The following SGCD variants were observed in gnomAD, a reference collection of about 807,000 sequenced individuals.
The protein encoded by SGCD is sarcoglycan delta.
In SGCD, 18 loss-of-function variants were observed where a neutral mutation model predicts 36.6. The ratio of observed to expected loss-of-function variants is 0.49; its 90% CI spans 0.34 to 0.73. The LOEUF (loss-of-function observed/expected upper bound fraction) is 0.73, where lower values mean the gene tolerates loss of function less well. Ranked by LOEUF, SGCD falls within the 30% of genes least tolerant of loss-of-function variation. The pLI is 0.01. For synonymous variants in SGCD, 133 were observed against 130.6 expected, an observed-to-expected ratio of 1.02 and a Z score of -0.12; for missense variants, 387 against 346.7, an observed-to-expected ratio of 1.12 and a Z score of -0.92.
At chr5:156,091,406 T>C (rs996442001) in intron 1 of SGCD, among the ~76,000 whole-genome samples, 1 of 152,228 alleles carries the variant, frequency 6.6e-6, no homozygotes, top group African/African-American at 2.4e-5. Flanking sequence ...GGGACAGCTC[T>C]AGGGCCCTGG....
At chr5:156,221,112 A>G (rs950321277) in intron 3 of SGCD, among the ~76,000 whole-genome samples, 14 of 152,142 alleles carry the variant, frequency 9.2e-5, no homozygotes, top group African/African-American at 3.1e-4. Flanking sequence ...TAATGCTGTA[A>G]TAGGTACATT....
chr5:156,551,922 G>A (rs1222377362), intron 4 of SGCD, among the ~76,000 whole-genome samples: 1 of 152,138 alleles, frequency 6.6e-6, no homozygotes, highest in African/African-American at 2.4e-5. Flanking sequence ...CCTCCAGAAA[G>A]CCTTTTCTAA....
intron 3 of SGCD, among the ~76,000 whole-genome samples, chr5:156,428,201 T>A (rs947181844): frequency 6.6e-6 from 1 of 152,118 alleles, no homozygotes; most frequent in Non-Finnish European, 1.5e-5. Flanking sequence ...TTTAAATTAC[T>A]ATTTCAATCT....
intron 3 of SGCD, among the ~76,000 whole-genome samples, chr5:156,124,707 AT>A (rs1432560165): frequency 1.3e-5 from 2 of 152,022 alleles, no homozygotes; most frequent in African/African-American, 4.8e-5. Flanking sequence ...GTGTGCGCAC[AT>A]GTGTATATGC....
chr5:156,403,185 G>GAA, intron 3 of SGCD, among the ~76,000 whole-genome samples: 1 of 152,100 alleles, frequency 6.6e-6, no homozygotes, highest in East Asian at 1.9e-4. Flanking sequence ...CCCCAGTGAG[G>GAA]AAAAGTCACA....
Position 156,491,701 on chromosome 5 carries a change from C to A in SGCD, c.193-16900C>A, listed in dbSNP as rs935246066. 2.0e-5 allele frequency among the ~76,000 whole-genome samples: 3 copies of A among 151,988 alleles called. No homozygotes were observed. In the East Asian group the frequency reaches 5.8e-4, roughly 29 times the overall value. Reference sequence around the variant, plus strand: ...GACTACAAACCTAACTAGAAGCACCCTACTTTAATTTCTAATTGGCTGCAG... The same window carrying A: ...GACTACAAACCTAACTAGAAGCACCATACTTTAATTTCTAATTGGCTGCAG... On this transcript the variant is annotated intron_variant, in intron 3 of 8. Transcript: ENST00000337851.
the SGCD span, among the ~76,000 whole-genome samples, chr5:155,808,993 A>C: frequency 0.35 from 52,621 of 152,084 alleles, 9,533 homozygotes; most frequent in Admixed American, 0.52. Context: ...AGCTACTGCC[A>C]GTCAACGTCT....
At chr5:156,478,858 G>A (rs1755305046) in intron 3 of SGCD, among the ~76,000 whole-genome samples, 2 of 152,078 alleles carry the variant, frequency 1.3e-5, no homozygotes, top group South Asian at 2.1e-4. Context: ...TGGGATTATA[G>A]GGCTGAGCCA....
At position 156,063,453 on chromosome 5, in the gene SGCD, T is replaced by G. The variant is rs999600168; in HGVS notation, c.-281-54425T>G. On this transcript the variant is annotated intron_variant, in intron 1 of 9. Transcript: ENST00000517913. Reference sequence around the variant, plus strand: ...GTTCCATATGAACTTTAAAGTAGTTTTTTCCAATTCTGTGAAGAAAGTCAT... The same window carrying G: ...GTTCCATATGAACTTTAAAGTAGTTGTTTCCAATTCTGTGAAGAAAGTCAT... Among the ~76,000 whole-genome samples, 2 of 123,102 alleles carry G rather than the reference T, an allele frequency of 1.6e-5. 1 individual carries two copies. The highest frequency in any genetic ancestry group is 7.4e-5 in the African/African-American group (2 of 27,172). 80.8% of individuals were successfully genotyped at this position (123,102 alleles called of 152,430 possible).
At chr5:156,282,453 G>A (rs1766479203) in intron 3 of SGCD, among the ~76,000 whole-genome samples, 1 of 152,186 alleles carries the variant, frequency 6.6e-6, no homozygotes, top group South Asian at 2.1e-4. Flanking sequence ...ATAAATGAGT[G>A]AGAAAATGAA....
chr5:156,616,861 A>G (rs1762039565), intron 6 of SGCD, among the ~76,000 whole-genome samples: 1 of 152,052 alleles, frequency 6.6e-6, no homozygotes, highest in African/African-American at 2.4e-5. Context: ...ACATGATCAC[A>G]CTCATTTAAG....
At chr5:156,543,718 C>A (rs926520614) in intron 4 of SGCD, among the ~76,000 whole-genome samples, 1 of 152,212 alleles carries the variant, frequency 6.6e-6, no homozygotes, top group African/African-American at 2.4e-5. Flanking sequence ...ATCTTCACCT[C>A]TTCATCCAAA....
chr5:156,654,134 G>C (rs1174884504), intron 7 of SGCD, among the ~76,000 whole-genome samples: 1 of 152,090 alleles, frequency 6.6e-6, no homozygotes, highest in African/African-American at 2.4e-5. Context: ...AATATGTATA[G>C]CACAAGGGGA....
At chr5:156,279,688 T>C (rs1050947042) in intron 3 of SGCD, among the ~76,000 whole-genome samples, 1 of 152,152 alleles carries the variant, frequency 6.6e-6, no homozygotes, top group East Asian at 1.9e-4. Flanking sequence ...TTCTCTTTTT[T>C]TGTGTGTGAG....
chr5:156,325,942 C>G (rs1412727718), upstream of SGCD, among the ~76,000 whole-genome samples: 1 of 152,166 alleles, frequency 6.6e-6, no homozygotes, highest in Admixed American at 6.5e-5. Flanking sequence ...CCACCGAATC[C>G]TATTACTTAC....
chr5:156,395,825 C>T lies in SGCD; in HGVS notation c.192+51148C>T, dbSNP rs542839169. Among the ~76,000 whole-genome samples, 326 of 152,248 alleles carry T rather than the reference C, an allele frequency of 2.1e-3. 1 individual carries two copies. Among genetic ancestry groups the T allele is most frequent in the African/African-American group, 7.4e-3 (309 of 41,554 alleles). On this transcript the variant is annotated intron_variant, in intron 3 of 8. Transcript: ENST00000337851. Reference sequence around the variant, plus strand: ...TGCCCTACAGGGATACAGCTTCCTTCGTTGCAAAATGAGGAGATAAACTAA... The same window carrying T: ...TGCCCTACAGGGATACAGCTTCCTTTGTTGCAAAATGAGGAGATAAACTAA...
At chr5:155,769,729 G>C in the SGCD span, among the ~76,000 whole-genome samples, 1 of 152,038 alleles carries the variant, frequency 6.6e-6, no homozygotes, top group African/African-American at 2.4e-5. Flanking sequence ...CTTTTTCTTT[G>C]TTATTCTTTT....
At chr5:155,946,732 A>G (rs914349678) in intron 1 of SGCD, among the ~76,000 whole-genome samples, 11 of 152,224 alleles carry the variant, frequency 7.2e-5, no homozygotes, top group African/African-American at 2.4e-4. Context: ...AACTAGTTAT[A>G]GCATATCTCC....
chr5:156,203,375 A>G (rs1189084753), intron 3 of SGCD, among the ~76,000 whole-genome samples: 1 of 152,174 alleles, frequency 6.6e-6, no homozygotes, highest in Non-Finnish European at 1.5e-5. Flanking sequence ...ACAAACTACA[A>G]AGGCATTGTT....
Sources: gnomAD v4.1 joint callset for allele counts (sites outside exome capture counted in the v4.1 genomes callset) on GRCh38, gnomAD v4.1.1 for gene constraint, MANE v1.5 for transcripts, NCBI Gene and HGNC (gene_info 2026-07-23, HGNC 2026-07-21) for gene names.